Variants in EYS observed in about 807,000 individuals in gnomAD.
The protein encoded by EYS is EGF-like photoreceptor maintenance factor, also known as protein eyes shut homolog.
In EYS, 250 loss-of-function variants were observed where a neutral mutation model predicts 282.1. The observed-to-expected ratio is 0.89, with a 90% CI of 0.80 to 0.98. The LOEUF (loss-of-function observed/expected upper bound fraction) is 0.98. Among genes scored for constraint, EYS ranks in the 50% least tolerant of loss-of-function variants. The pLI is 0.00. For missense variants in EYS, 4,016 were observed against 3,709.0 expected (o/e 1.08, Z -2.15); for synonymous variants, 1,355 against 1,282.9 (o/e 1.06, Z -1.20).
At position 65,450,825 on chromosome 6, in the gene EYS, T is replaced by C. The variant is rs116306192; in HGVS notation, c.862+39769A>G. On this transcript the variant is annotated intron_variant, in intron 5 of 42. Coordinates refer to ENST00000503581, the MANE Select transcript of EYS (RefSeq NM_001142800.2). ...GAAACATTTAACATCCCTAGACTTA[T>C]GCTGAAGAATTTTGTTTTAAAATAT... Among the ~76,000 whole-genome samples the C allele has an allele frequency of 9.6e-3, 1,456 of 152,264 alleles. 21 individuals carry two copies. Among genetic ancestry groups the C allele is most frequent in the African/African-American group, 0.033 (1,389 of 41,552 alleles).
intron 30 of EYS, among the ~76,000 whole-genome samples, chr6:64,238,138 G>A (rs947013378): frequency 4.0e-5 from 6 of 151,830 alleles, no homozygotes; most frequent in South Asian, 4.1e-4. Flanking sequence ...TTTTTCTCAC[G>A]GGACAAATGC....
intron 30 of EYS, among the ~76,000 whole-genome samples, chr6:64,260,505 A>C (rs898578147): frequency 2.0e-5 from 3 of 152,112 alleles, no homozygotes; most frequent in African/African-American, 7.2e-5. Context: ...ACCTTTGCTT[A>C]GTTTTAAATT....
At chr6:64,912,796 T>A in intron 15 of EYS, 53 bp from the exon 16 acceptor site, 1 of 1,207,526 alleles carries the variant, frequency 8.3e-7, no homozygotes, top group South Asian at 2.4e-5. Context: ...TCAAGTTTAT[T>A]TTTTGTATTT....
intron 19 of EYS, among the ~76,000 whole-genome samples, chr6:64,852,490 G>T (rs1438941378): frequency 1.3e-5 from 2 of 152,048 alleles, no homozygotes; most frequent in Non-Finnish European, 2.9e-5. Flanking sequence ...CCTATTGTGG[G>T]ACATTGTGAT....
chr6:64,531,978 T>C (rs886555327), intron 26 of EYS, among the ~76,000 whole-genome samples: 3 of 152,082 alleles, frequency 2.0e-5, no homozygotes, highest in Non-Finnish European at 2.9e-5. Flanking sequence ...CAGTCTCAAA[T>C]AGGTGGACAT....
At chr6:65,686,157 C>T (rs1425129192) in intron 1 of EYS, among the ~76,000 whole-genome samples, 1 of 151,986 alleles carries the variant, frequency 6.6e-6, no homozygotes, top group Non-Finnish European at 1.5e-5. Flanking sequence ...AAACCTAATC[C>T]TTTCTTTTCT....
At chr6:64,838,092 T>C (rs1201279550) in intron 19 of EYS, among the ~76,000 whole-genome samples, 1 of 151,908 alleles carries the variant, frequency 6.6e-6, no homozygotes. Context: ...GTAATGTTAC[T>C]ATTTCTGCTT....
At chr6:64,249,195 A>G (rs1767125244) in intron 30 of EYS, among the ~76,000 whole-genome samples, 1 of 152,174 alleles carries the variant, frequency 6.6e-6, no homozygotes, top group African/African-American at 2.4e-5. Flanking sequence ...CAGTATATAT[A>G]GCCATAAAGA....
intron 5 of EYS, among the ~76,000 whole-genome samples, chr6:65,458,755 C>T (rs1388226254): frequency 6.6e-6 from 1 of 152,126 alleles, no homozygotes; most frequent in Admixed American, 6.6e-5. Flanking sequence ...AGCACATACA[C>T]ACTTATCTTA....
rs934030696 is a variant in EYS at position 65,334,839 on chromosome 6, T to C, written c.1766+141A>G. 4 of 678,220 alleles carry C rather than the reference T, an allele frequency of 5.9e-6. No individual in the cohort carries two copies. In the East Asian group the frequency reaches 8.1e-5, roughly 14 times the overall value. The allele number at this position is 678,220 out of a possible 1,614,324, so 42.0% of individuals were successfully genotyped here. A position where few individuals can be genotyped will look rare whatever the true frequency, so the allele number is the denominator to read the frequency against. On this transcript the variant is annotated intron_variant, in intron 11 of 42. Transcript: ENST00000503581. ...TAACATAATATATAATAACTATATA[T>C]GTATATGTAAGTGTTTGTTATGGAA...
At chr6:65,491,364 G>A (rs1766037229) in intron 4 of EYS, 1 of 305,860 alleles carries the variant, frequency 3.3e-6, no homozygotes, top group Non-Finnish European at 6.5e-6. Context: ...TACCTTAGTA[G>A]AGGAATGTGC....
intron 31 of EYS, among the ~76,000 whole-genome samples, chr6:64,112,183 T>C (rs945403857): frequency 1.2e-4 from 19 of 152,126 alleles, no homozygotes; most frequent in African/African-American, 4.3e-4. Flanking sequence ...CCCTCTAATA[T>C]GTTGTTTTAA....
At chr6:65,567,147 T>C (rs1480901261) in intron 2 of EYS, among the ~76,000 whole-genome samples, 4 of 152,036 alleles carry the variant, frequency 2.6e-5, no homozygotes, top group African/African-American at 4.8e-5. Flanking sequence ...TCCTTCCACC[T>C]TCTGCCATGA....
intron 40 of EYS, among the ~76,000 whole-genome samples, chr6:63,766,691 C>A (rs1226905856): frequency 1.3e-5 from 2 of 152,024 alleles, no homozygotes; most frequent in African/African-American, 4.8e-5. Flanking sequence ...GTACTAGCAT[C>A]ATCCTCATTT....
At chr6:64,788,948 C>T (rs557972435) in intron 22 of EYS, among the ~76,000 whole-genome samples, 2 of 152,152 alleles carry the variant, frequency 1.3e-5, no homozygotes, top group Admixed American at 1.3e-4. Context: ...ACCCAAAACC[C>T]GTAAGTCACC....
intron 35 of EYS, among the ~76,000 whole-genome samples, chr6:63,964,781 A>C (rs573439898): frequency 1.3e-5 from 2 of 152,212 alleles, no homozygotes; most frequent in South Asian, 4.1e-4. Context: ...TTAAAACAAC[A>C]ACCAGTTCCT....
intron 30 of EYS, among the ~76,000 whole-genome samples, chr6:64,272,517 C>A (rs898891953): frequency 6.6e-6 from 1 of 152,116 alleles, no homozygotes; most frequent in Non-Finnish European, 1.5e-5. Context: ...GATTTTATTT[C>A]TCCTTCACTT....
intron 1 of EYS, among the ~76,000 whole-genome samples, chr6:65,662,846 T>C (rs1023898602): frequency 6.6e-6 from 1 of 152,182 alleles, no homozygotes; most frequent in Admixed American, 6.5e-5. Flanking sequence ...AAGGTTGTTA[T>C]AAAATGTGAC....
rs574937119 is a variant in EYS at position 65,513,003 on chromosome 6, TG to T, written c.-332-17011del. 2.7e-3 allele frequency among the ~76,000 whole-genome samples: 416 copies of T among 152,208 alleles called. 5 individuals carry two copies. Among genetic ancestry groups the T allele is most frequent in the African/African-American group, 9.1e-3 (379 of 41,516 alleles). ...TCAAAAAATTAATGAATCCACAAGC[TG>T]GTTTTTTGAAAGGATCAACAAAATT... On this transcript the variant is annotated intron_variant, in intron 2 of 42. Transcript: ENST00000503581.
Sources: allele counts gnomAD v4.1 joint callset (sites outside exome capture counted in the v4.1 genomes callset), GRCh38; gene constraint gnomAD v4.1.1; transcripts MANE v1.5; gene names NCBI Gene and HGNC (gene_info 2026-07-23, HGNC 2026-07-21).